The following DPYD variants were observed in gnomAD, a reference collection of about 807,000 sequenced individuals.
DPYD encodes the protein dihydropyrimidine dehydrogenase.
DPYD carries 109 observed loss-of-function variants against 116.2 expected under a neutral mutation model. That is an observed-to-expected ratio of 0.94 (90% CI 0.80 to 1.10). The LOEUF is 1.10. DPYD is among the 50% of genes least tolerant of loss of function. The pLI is 0.00. For missense variants in DPYD, 1,302 were observed against 1,254.5 expected (o/e 1.04, Z -0.57); for synonymous variants, 440 against 432.0 (o/e 1.02, Z -0.23).
intron 16 of DPYD, among the ~76,000 whole-genome samples, chr1:97,319,204 T>C (rs1262199024): frequency 2.0e-5 from 3 of 147,490 alleles, no homozygotes; most frequent in Admixed American, 6.7e-5. Flanking sequence ...ATTCAAAAGC[T>C]AGCAGAAGGC....
In DPYD at chr1:97,387,078, A is replaced by G. The variant is rs1395747447; in HGVS notation, c.1906-4617T>C. Among the ~76,000 whole-genome samples the G allele has an allele frequency of 2.6e-5, 4 of 152,148 alleles. No homozygotes were observed. The South Asian group carries it at 8.3e-4, about 31-fold the overall frequency. ...TTTTAAATAAAAGCAACATTTTTCT[A>G]TATCAATATTTCACTTAATTTATGC... On this transcript the variant is annotated intron_variant, in intron 14 of 22. Coordinates refer to ENST00000370192, the MANE Select transcript of DPYD (RefSeq NM_000110.4).
rs1159078765 is a variant in DPYD at position 97,868,140 on chromosome 1, A to G, written c.150+15124T>C. 4.0e-5 allele frequency among the ~76,000 whole-genome samples: 6 copies of G among 151,862 alleles called. No individual in the cohort carries two copies. In the East Asian group the frequency reaches 1.2e-3, roughly 29 times the overall value. ...CCATTTACAAGTAGCTAAAAAATATATAATTAAGAACAAATGTTTCCAAGG... is the reference window on the plus strand; with the variant it reads ...CCATTTACAAGTAGCTAAAAAATATGTAATTAAGAACAAATGTTTCCAAGG... On this transcript the variant is annotated intron_variant, in intron 2 of 22. Coordinates refer to ENST00000370192, the MANE Select transcript of DPYD (RefSeq NM_000110.4).
intron 3 of DPYD, among the ~76,000 whole-genome samples, chr1:97,793,630 A>G (rs944354016): frequency 2.0e-5 from 3 of 152,208 alleles, no homozygotes; most frequent in African/African-American, 7.2e-5. Flanking sequence ...TGTTAAAACA[A>G]TTGGATGCCC....
intron 2 of DPYD, among the ~76,000 whole-genome samples, chr1:97,833,498 G>C (rs1354701585): frequency 6.6e-6 from 1 of 152,066 alleles, no homozygotes; most frequent in Non-Finnish European, 1.5e-5. Flanking sequence ...GAGAAAAAAA[G>C]GGGGAAGGCT....
At chr1:97,349,857 T>C (rs1670050082) in intron 16 of DPYD, among the ~76,000 whole-genome samples, 1 of 150,844 alleles carries the variant, frequency 6.6e-6, no homozygotes, top group South Asian at 2.1e-4. Flanking sequence ...TTTGGGTATA[T>C]ACCCAGTAAT....
intron 20 of DPYD, among the ~76,000 whole-genome samples, chr1:97,188,098 A>C (rs969094785): frequency 6.6e-5 from 10 of 152,134 alleles, no homozygotes; most frequent in Non-Finnish European, 1.0e-4. Flanking sequence ...TTTTATCAAT[A>C]ACTGAGAATG....
intron 20 of DPYD, among the ~76,000 whole-genome samples, chr1:97,148,816 T>C (rs17116479): frequency 0.31 from 46,457 of 152,092 alleles, 8,127 homozygotes; most frequent in East Asian, 0.65. Flanking sequence ...AAACGAAAAA[T>C]CTTACAGTTC....
chr1:97,304,494 C>G (rs1667045531), intron 18 of DPYD, among the ~76,000 whole-genome samples: 1 of 151,922 alleles, frequency 6.6e-6, no homozygotes, highest in Non-Finnish European at 1.5e-5. Flanking sequence ...TTGTGTCTGT[C>G]CAGCCTCTTC....
chr1:97,572,504 A>G (rs138063099), intron 11 of DPYD, among the ~76,000 whole-genome samples: 119 of 152,126 alleles, frequency 7.8e-4, no homozygotes, highest in African/African-American at 2.7e-3. Flanking sequence ...AATAATCAAC[A>G]GAATTGCTAG....
rs371171776 is a variant in DPYD at position 97,713,018 on chromosome 1, A to G, written c.483+8492T>C. 2.6e-5 allele frequency among the ~76,000 whole-genome samples: 4 copies of G among 152,200 alleles called. No individual in the cohort carries two copies. In the South Asian group the frequency reaches 6.2e-4, roughly 24 times the overall value. On this transcript the variant is annotated intron_variant, in intron 5 of 22. Coordinates refer to ENST00000370192, the MANE Select transcript of DPYD (RefSeq NM_000110.4). ...CATGTTTTTATACCATTTCTGGCCCAAAAGGTATTTATATTTCTTTTTCAG... is the reference window on the plus strand; with the variant it reads ...CATGTTTTTATACCATTTCTGGCCCGAAAGGTATTTATATTTCTTTTTCAG...
rs184479994 is a variant in DPYD at position 97,858,134 on chromosome 1, A to G, written c.150+25130T>C. On this transcript the variant is annotated intron_variant, in intron 2 of 22. Transcript: ENST00000370192. ...TCGTCTCTTTACTTAAGGAATTTTA[A>G]CTTCTTCCCTTTTATTTCTTCTGCT... 6.6e-5 allele frequency among the ~76,000 whole-genome samples: 10 copies of G among 152,232 alleles called. 1 individual carries two copies. The highest frequency in any genetic ancestry group is 1.3e-4 in the Admixed American group (2 of 15,290).
At chr1:97,745,845 G>T (rs1664520502) in intron 3 of DPYD, among the ~76,000 whole-genome samples, 2 of 152,088 alleles carry the variant, frequency 1.3e-5, no homozygotes, top group Middle Eastern at 3.4e-3. Context: ...ACAAAAACAG[G>T]TTAGAATTTT....
At chr1:97,490,546 G>C (rs1434325818) in intron 13 of DPYD, among the ~76,000 whole-genome samples, 1 of 148,674 alleles carries the variant, frequency 6.7e-6, no homozygotes, top group African/African-American at 2.4e-5. Context: ...AGAGGCTGCA[G>C]AGAGAAGGCA....
At position 97,773,786 on chromosome 1, in the gene DPYD, C is replaced by G. The variant is rs1448982962; in HGVS notation, c.234-33307G>C. 2.0e-5 allele frequency among the ~76,000 whole-genome samples: 3 copies of G among 152,176 alleles called. No individual in the cohort carries two copies. In the East Asian group the frequency reaches 5.8e-4, roughly 29 times the overall value. ...GGGAAGACCACCTTCCTACTCCATC[C>G]CCCTTCTAGCTCCCCATCCATCTGC... On this transcript the variant is annotated intron_variant, in intron 3 of 22. Coordinates refer to ENST00000370192, the MANE Select transcript of DPYD (RefSeq NM_000110.4).
intron 13 of DPYD, among the ~76,000 whole-genome samples, chr1:97,462,405 G>T (rs1011822227): frequency 7.9e-5 from 12 of 152,152 alleles, no homozygotes; most frequent in African/African-American, 2.9e-4. Context: ...TGTAAAAGGT[G>T]TTGTAAACTA....
At chr1:97,563,590 A>G (rs1274897907) in intron 11 of DPYD, among the ~76,000 whole-genome samples, 1 of 152,218 alleles carries the variant, frequency 6.6e-6, no homozygotes, top group African/African-American at 2.4e-5. Context: ...AATGCATATG[A>G]TATCAACCAG....
rs138410353 is a variant in DPYD, at chr1:97,647,059, A to G, written c.850+32036T>C. On this transcript the variant is annotated intron_variant, in intron 8 of 22. Transcript: ENST00000370192. Reference sequence around the variant, plus strand: ...CTAAAATACTTATTTGCACTTTCTCACCTGTAGTTATTGCCTGATTTCATC... The same window carrying G: ...CTAAAATACTTATTTGCACTTTCTCGCCTGTAGTTATTGCCTGATTTCATC... 7.2e-4 allele frequency among the ~76,000 whole-genome samples: 110 copies of G among 152,126 alleles called. No individual in the cohort carries two copies. In the South Asian group the frequency reaches 1.0e-2, roughly 14 times the overall value.
At chr1:97,777,222 T>G (rs1213637328) in intron 3 of DPYD, among the ~76,000 whole-genome samples, 1 of 152,192 alleles carries the variant, frequency 6.6e-6, no homozygotes, top group Non-Finnish European at 1.5e-5. Context: ...TTTTAAAAAA[T>G]TAATATACTC....
chr1:97,208,188 C>CT (rs957718296), intron 19 of DPYD, among the ~76,000 whole-genome samples: 6 of 150,322 alleles, frequency 4.0e-5, no homozygotes, highest in South Asian at 2.1e-4. Context: ...CTTTCTTTTA[C>CT]TTTTTTTTCT....
Sources: allele counts gnomAD v4.1 joint callset (sites outside exome capture counted in the v4.1 genomes callset), GRCh38; gene constraint gnomAD v4.1.1; transcripts MANE v1.5; gene names NCBI Gene and HGNC (gene_info 2026-07-23, HGNC 2026-07-21).